IPMK: variants seen among roughly 807,000 people sequenced by gnomAD.
IPMK encodes the protein inositol polyphosphate multikinase, also known as inositol 1,3,4,6-tetrakisphosphate 5-kinase.
Under a neutral mutation model 45.8 loss-of-function variants are expected in IPMK, and 17 were observed. The ratio of observed to expected loss-of-function variants is 0.37; its 90% CI spans 0.25 to 0.56. The LOEUF (loss-of-function observed/expected upper bound fraction) is 0.56, where lower values mean the gene tolerates loss of function less well. Among genes scored for constraint, IPMK ranks in the 20% least tolerant of loss-of-function variants. The pLI is 0.79. For synonymous variants in IPMK, 180 were observed against 184.3 expected, an observed-to-expected ratio of 0.98 and a Z score of 0.19; for missense variants, 399 against 498.0, an observed-to-expected ratio of 0.80 and a Z score of 1.89.
Position 58,226,983 on chromosome 10 carries a change from C to A in IPMK, c.373+60G>T, listed in dbSNP as rs972336357. 6.6e-6 allele frequency: 7 copies of A among 1,062,658 alleles called. No homozygotes were observed. In the South Asian group the frequency reaches 8.5e-5, roughly 13 times the overall value. 65.8% of individuals were successfully genotyped at this position (1,062,658 alleles called of 1,614,324 possible). The stretch of plus-strand genomic sequence containing the variant: ...AGTTAAATTTTAATTTTACATAAGG[C>A]CTTTAAAGAAGCTACACTCATGAAT... On this transcript the variant is annotated intron_variant, in intron 3 of 5. Transcript: ENST00000373935.
intron 4 of IPMK, among the ~76,000 whole-genome samples, chr10:58,209,953 A>AG (rs1455630735): frequency 1.3e-5 from 2 of 152,126 alleles, no homozygotes; most frequent in African/African-American, 4.8e-5. Flanking sequence ...TAAGTTGGCA[A>AG]GGGGGAATTA....
At chr10:58,222,946 T>C (rs1010142584) in intron 3 of IPMK, among the ~76,000 whole-genome samples, 1 of 152,078 alleles carries the variant, frequency 6.6e-6, no homozygotes, top group Non-Finnish European at 1.5e-5. Context: ...GAGCTAAACT[T>C]TGAGGATGCA....
At chr10:58,224,255 G>A (rs2790237) in intron 3 of IPMK, among the ~76,000 whole-genome samples, 51,477 of 151,956 alleles carry the variant, frequency 0.34, 10,961 homozygotes, top group African/African-American at 0.61. Flanking sequence ...ATTACATTTT[G>A]AAAACTCTCA....
In IPMK at chr10:58,237,804, T is replaced by G. The variant is rs1407283975; in HGVS notation, c.201A>C (p.Gln67His). The change falls in exon 2 of 6, where the codon CAA (glutamine) becomes CAC (histidine). Residue 67 changes from glutamine to histidine, a missense_variant. Gln to His is a conservative substitution (Grantham distance 24, BLOSUM62 0). This residue lies in a region of IPMK where 111 missense variants were observed against 99.9 expected (regional missense o/e 1.11). Transcript: ENST00000373935. ...MYGKDKVGIL[Q>H]HPDGTVLKQL... ...GTTTCAAAACTGTGCCATCTGGATG[T>G]TGCAGTATACCTATGGAACAAAAAT... The G allele has an allele frequency of 1.2e-6, 2 of 1,613,008 alleles. No individual in the cohort carries two copies. Among genetic ancestry groups the G allele is most frequent in the African/African-American group, 1.3e-5 (1 of 74,914 alleles).
intron 4 of IPMK, 41 bp downstream of exon 4, chr10:58,216,104 G>T (rs756115344): frequency 2.3e-6 from 3 of 1,281,140 alleles, no homozygotes; most frequent in East Asian, 5.4e-5. Context: ...GGAAGAACAT[G>T]TACAGAGAAA....
chr10:58,209,259 C>T (rs553715140), intron 4 of IPMK, among the ~76,000 whole-genome samples: 43 of 152,264 alleles, frequency 2.8e-4, no homozygotes, highest in Non-Finnish European at 3.5e-4. Context: ...CTGGGGAGAA[C>T]AAGGACCTCT....
At chr10:58,226,665 A>G (rs1403142568) in intron 3 of IPMK, among the ~76,000 whole-genome samples, 2 of 152,182 alleles carry the variant, frequency 1.3e-5, no homozygotes, top group Admixed American at 6.5e-5. Flanking sequence ...TGAGGGATGA[A>G]GGAACAGGAT....
intron 1 of IPMK, among the ~76,000 whole-genome samples, chr10:58,238,714 CAT>C (rs1323651302): frequency 6.6e-6 from 1 of 152,092 alleles, no homozygotes; most frequent in Non-Finnish European, 1.5e-5. Context: ...ATATCTCACA[CAT>C]GAGCATGAAA....
chr10:58,202,212 C>T (rs985334721), intron 4 of IPMK, among the ~76,000 whole-genome samples: 11 of 152,130 alleles, frequency 7.2e-5, no homozygotes, highest in African/African-American at 2.7e-4. Flanking sequence ...GATGAAACGG[C>T]CTTCTATTGA....
chr10:58,262,701 G>A (rs1564542650), intron 1 of IPMK, among the ~76,000 whole-genome samples: 1 of 152,162 alleles, frequency 6.6e-6, no homozygotes, highest in Non-Finnish European at 1.5e-5. Flanking sequence ...GCTCTCAATG[G>A]TCAAATTTGG....
In IPMK at chr10:58,196,028, C is replaced by A; in HGVS notation, c.*48G>T. 6.5e-7 allele frequency: 1 copy of A among 1,546,826 alleles called. No individual in the cohort carries two copies. Among genetic ancestry groups the A allele is most frequent in the South Asian group, 1.2e-5 (1 of 81,294 alleles). On this transcript the variant is annotated 3_prime_UTR_variant, in exon 6 of 6. Transcript: ENST00000373935. ...TTAAAGGTGCAGATATTGACTGCCC[C>A]TCTTCATTATGATTGGCCCACCCCT...
chr10:58,207,230 C>G (rs187999801), intron 4 of IPMK, among the ~76,000 whole-genome samples: 57 of 152,320 alleles, frequency 3.7e-4, no homozygotes, highest in African/African-American at 1.1e-3. Flanking sequence ...GTCTCGATCT[C>G]CTGACCTTGT....
intron 4 of IPMK, among the ~76,000 whole-genome samples, chr10:58,204,702 G>A (rs1405148304): frequency 6.6e-6 from 1 of 152,138 alleles, no homozygotes; most frequent in African/African-American, 2.4e-5. Flanking sequence ...GGCTTAAGTA[G>A]GAGGATTGCT....
At chr10:58,251,238 T>C (rs1838875923) in intron 1 of IPMK, among the ~76,000 whole-genome samples, 1 of 152,234 alleles carries the variant, frequency 6.6e-6, no homozygotes, top group Non-Finnish European at 1.5e-5. Context: ...TTTTAATTTC[T>C]TAATTGACTC....
intron 4 of IPMK, among the ~76,000 whole-genome samples, chr10:58,206,582 G>C (rs1349542513): frequency 2.6e-5 from 4 of 152,064 alleles, no homozygotes; most frequent in Admixed American, 2.6e-4. Flanking sequence ...TGCTTATCCT[G>C]TCCATGTACC....
rs559914854 is a variant in IPMK at position 58,267,322 on chromosome 10, G to A, written c.190+100C>T. 5.6e-5 allele frequency: 66 copies of A among 1,175,694 alleles called. 1 individual carries two copies. In the East Asian group the frequency reaches 1.5e-3, roughly 27 times the overall value. 72.8% of individuals were successfully genotyped at this position (1,175,694 alleles called of 1,614,324 possible). ...CCAGGGATTTGGCGTGCACACCAGG[G>A]GGGCGTCCAGGCAGGCCCGAGAGCG... On this transcript the variant is annotated intron_variant, in intron 1 of 5. Transcript: ENST00000373935.
intron 4 of IPMK, 113 bp from the exon 5 acceptor site, chr10:58,199,434 G>C: frequency 1.8e-6 from 1 of 556,734 alleles, no homozygotes; most frequent in South Asian, 4.1e-5. Flanking sequence ...CATTCTAATA[G>C]ATTTGAGAAG....
intron 1 of IPMK, among the ~76,000 whole-genome samples, chr10:58,255,380 C>T (rs772921079): frequency 3.3e-5 from 5 of 152,128 alleles, no homozygotes; most frequent in Admixed American, 2.0e-4. Flanking sequence ...TCAGAAACCA[C>T]GGGTCTAGGG....
chr10:58,222,027 G>GC (rs1251602993), intron 3 of IPMK, among the ~76,000 whole-genome samples: 1 of 152,100 alleles, frequency 6.6e-6, no homozygotes, highest in African/African-American at 2.4e-5. Context: ...GGGATTACAG[G>GC]CATTAGCCAC....
Sources: gnomAD v4.1 joint callset for allele counts (sites outside exome capture counted in the v4.1 genomes callset) on GRCh38, gnomAD v4.1.1 for gene constraint, gnomAD v4.1.1 regional missense constraint, MANE v1.5 for transcripts, NCBI Gene and HGNC (gene_info 2026-07-23, HGNC 2026-07-21) for gene names.